Variants in DNER observed in about 807,000 individuals in gnomAD.
DNER encodes the protein delta/notch like EGF repeat containing.
DNER carries 33 observed loss-of-function variants against 78.2 expected under a neutral mutation model. The ratio of observed to expected loss-of-function variants is 0.42; its 90% CI spans 0.32 to 0.56. The LOEUF (loss-of-function observed/expected upper bound fraction) is 0.56. Among genes scored for constraint, DNER ranks in the 20% least tolerant of loss-of-function variants. DNER has a pLI of 0.11. For missense variants in DNER, 918 were observed against 975.3 expected (o/e 0.94, Z 0.78); for synonymous variants, 417 against 384.8 (o/e 1.08, Z -0.98).
chr2:229,568,445 C>T (rs1033486320), intron 4 of DNER, among the ~76,000 whole-genome samples: 1 of 152,190 alleles, frequency 6.6e-6, no homozygotes, highest in African/African-American at 2.4e-5. Context: ...GTAGGAAATG[C>T]AGGCTTTGGA....
At chr2:229,594,630 G>A (rs1697673063) in intron 1 of DNER, among the ~76,000 whole-genome samples, 1 of 150,450 alleles carries the variant, frequency 6.6e-6, no homozygotes, top group African/African-American at 2.5e-5. Flanking sequence ...AAAACAGGCA[G>A]AGGAGTTGAA....
intron 1 of DNER, among the ~76,000 whole-genome samples, chr2:229,634,886 C>A (rs1574937469): frequency 6.6e-6 from 1 of 152,322 alleles, no homozygotes; most frequent in Non-Finnish European, 1.5e-5. Context: ...CCAATGGAAA[C>A]CCTTCAGGGC....
At chr2:229,521,740 T>C (rs995631525) in intron 5 of DNER, among the ~76,000 whole-genome samples, 1 of 152,188 alleles carries the variant, frequency 6.6e-6, no homozygotes, top group Non-Finnish European at 1.5e-5. Context: ...TAAAAATGAC[T>C]ATAAATGCCT....
intron 1 of DNER, among the ~76,000 whole-genome samples, chr2:229,642,466 G>T (rs765782816): frequency 6.6e-6 from 1 of 152,224 alleles, no homozygotes; most frequent in African/African-American, 2.4e-5. Flanking sequence ...AGATTGGCCT[G>T]TTGGGCATAA....
At chr2:229,688,651 G>C (rs208790) in intron 1 of DNER, among the ~76,000 whole-genome samples, 127,874 of 152,172 alleles carry the variant, frequency 0.84, 54,006 homozygotes, top group East Asian at 0.94. Context: ...AAGATTTAAT[G>C]TATAAGACTG....
intron 9 of DNER, among the ~76,000 whole-genome samples, chr2:229,409,638 CT>C (rs1044036837): frequency 6.6e-6 from 1 of 152,112 alleles, no homozygotes; most frequent in Non-Finnish European, 1.5e-5. Flanking sequence ...ATAGATGGCT[CT>C]TTTTTGGAGG....
At chr2:229,488,826 C>A (rs2154211642) in intron 6 of DNER, among the ~76,000 whole-genome samples, 1 of 152,346 alleles carries the variant, frequency 6.6e-6, no homozygotes, top group African/African-American at 2.4e-5. Flanking sequence ...GAAGCCAAAT[C>A]TCTGGCCAAG....
At position 229,436,076 on chromosome 2, in the gene DNER, A is replaced by T. The variant is rs148638668; in HGVS notation, c.1486+11240T>A. Among the ~76,000 whole-genome samples the T allele has an allele frequency of 4.3e-3, 654 of 152,312 alleles. 1 individual carries two copies. Among genetic ancestry groups the T allele is most frequent in the African/African-American group, 0.015 (629 of 41,564 alleles). ...CACCCAGGTAATAAGTATAGTACAC[A>T]GTAAGTAGTTTTTCGACCCTCATCC... On this transcript the variant is annotated intron_variant, in intron 8 of 12. Coordinates refer to ENST00000341772, the MANE Select transcript of DNER (RefSeq NM_139072.4).
chr2:229,576,651 G>T (rs1244330584), intron 4 of DNER, among the ~76,000 whole-genome samples: 1 of 152,156 alleles, frequency 6.6e-6, no homozygotes, highest in East Asian at 1.9e-4. Flanking sequence ...AGGTTTGTGG[G>T]GGGGAACGGA....
intron 6 of DNER, among the ~76,000 whole-genome samples, chr2:229,484,244 TAATGCACATTAAAATA>T (rs1350605055): frequency 6.6e-6 from 1 of 152,234 alleles, no homozygotes; most frequent in Non-Finnish European, 1.5e-5. Context: ...CTTGTTTTCC[TAATGCACATTAAAATA>T]AATGCAGAGC....
intron 1 of DNER, among the ~76,000 whole-genome samples, chr2:229,674,106 A>G (rs1442041181): frequency 6.6e-6 from 1 of 152,222 alleles, no homozygotes; most frequent in Non-Finnish European, 1.5e-5. Context: ...CTCCTTCAGG[A>G]CTATGGCAGT....
At chr2:229,582,247 T>C (rs1214296528) in intron 4 of DNER, among the ~76,000 whole-genome samples, 6 of 152,248 alleles carry the variant, frequency 3.9e-5, no homozygotes, top group African/African-American at 7.2e-5. Context: ...GTTAAGCACA[T>C]GTTAACGTAG....
chr2:229,522,998 C>T (rs1696131293), intron 5 of DNER, among the ~76,000 whole-genome samples: 1 of 152,204 alleles, frequency 6.6e-6, no homozygotes, highest in Non-Finnish European at 1.5e-5. Context: ...CAGATTGAGT[C>T]TCATTGTAAA....
At chr2:229,517,992 T>C (rs1696014902) in intron 5 of DNER, among the ~76,000 whole-genome samples, 2 of 152,248 alleles carry the variant, frequency 1.3e-5, no homozygotes, top group African/African-American at 2.4e-5. Flanking sequence ...GTAATGTCGC[T>C]CTACGTTAAA....
At chr2:229,482,771 A>G (rs1025640772) in intron 6 of DNER, among the ~76,000 whole-genome samples, 3 of 152,208 alleles carry the variant, frequency 2.0e-5, no homozygotes, top group Non-Finnish European at 4.4e-5. Flanking sequence ...GGACCAGTGG[A>G]GTTATAGTGG....
Position 229,615,611 on chromosome 2 carries a change from C to T in DNER, c.277-23723G>A, listed in dbSNP as rs556110911. On this transcript the variant is annotated intron_variant, in intron 1 of 12. Coordinates refer to ENST00000341772, the MANE Select transcript of DNER (RefSeq NM_139072.4). ...CCTGTAGCCCCAGCTACTCGGGAGG[C>T]TGAGGCAGGAGAATGGTGTGAACCC... Among the ~76,000 whole-genome samples the T allele has an allele frequency of 2.0e-5, 3 of 152,174 alleles. No homozygotes were observed. The South Asian group carries it at 6.2e-4, about 32-fold the overall frequency.
intron 1 of DNER, among the ~76,000 whole-genome samples, chr2:229,610,298 C>G (rs1168986915): frequency 4.6e-5 from 7 of 152,198 alleles, no homozygotes; most frequent in Admixed American, 1.3e-4. Flanking sequence ...GAAACACTCT[C>G]AACGGCCTCA....
At chr2:229,713,883 A>G (rs1699947968) in intron 1 of DNER, among the ~76,000 whole-genome samples, 1 of 151,816 alleles carries the variant, frequency 6.6e-6, no homozygotes. Context: ...GAGCGTCTAG[A>G]GCCCCGCGCG....
intron 7 of DNER, among the ~76,000 whole-genome samples, chr2:229,452,337 G>T (rs916079735): frequency 1.3e-5 from 2 of 152,180 alleles, no homozygotes; most frequent in East Asian, 3.8e-4. Flanking sequence ...GTAGAAGAAT[G>T]GAAGAGACGA....
Sources: allele counts gnomAD v4.1 joint callset (sites outside exome capture counted in the v4.1 genomes callset), GRCh38; gene constraint gnomAD v4.1.1; transcripts MANE v1.5; gene names NCBI Gene and HGNC (gene_info 2026-07-23, HGNC 2026-07-21).